The following ARIH1 variants were observed in gnomAD, a reference collection of about 807,000 sequenced individuals.
ARIH1 encodes the protein E3 ubiquitin-protein ligase ARIH1.
ARIH1 carries 8 observed loss-of-function variants against 85.0 expected under a neutral mutation model. The ratio of observed to expected loss-of-function variants is 0.09; its 90% CI spans 0.06 to 0.17. ARIH1 has a LOEUF of 0.17. Among genes scored for constraint, ARIH1 ranks in the 10% least tolerant of loss-of-function variants. The pLI is 1.00. For synonymous variants in ARIH1, 238 were observed against 253.6 expected (o/e 0.94, Z 0.59); for missense variants, 311 against 718.1 (o/e 0.43, Z 6.48).
intron 2 of ARIH1, 115 bp downstream of exon 2, chr15:72,518,249 A>G (rs570020020): frequency 1.3e-6 from 1 of 765,212 alleles, no homozygotes; most frequent in Non-Finnish European, 2.1e-6. Flanking sequence ...TGGACAACCC[A>G]GTGTGCAACT....
At chr15:72,570,067 C>G in intron 9 of ARIH1, 110 bp from the exon 10 acceptor site, 2 of 1,263,536 alleles carry the variant, frequency 1.6e-6, no homozygotes, top group Non-Finnish European at 2.2e-6. Flanking sequence ...GTATTAACCA[C>G]AATAAATAAA....
Position 72,600,827 on chromosome 15 carries a change from T to C in ARIH1, c.*17535T>C, listed in dbSNP as rs1348210008. 6.6e-6 allele frequency: 1 copy of C among 152,204 alleles called. No homozygotes were observed. The highest frequency in any genetic ancestry group is 1.5e-5 in the Non-Finnish European group (1 of 68,034). The allele number at this position is 152,204 out of a possible 1,614,324, so 9.4% of individuals were successfully genotyped here. A position where few individuals can be genotyped will look rare whatever the true frequency, so the allele number is the denominator to read the frequency against. Reference sequence around the variant, plus strand: ...AAAGTGTTCTATCTTCCTCACAAGATCTGAGGTCAAAGGAGAGATTTTGAA... The same window carrying C: ...AAAGTGTTCTATCTTCCTCACAAGACCTGAGGTCAAAGGAGAGATTTTGAA... On this transcript the variant is annotated 3_prime_UTR_variant, in exon 14 of 14. Transcript: ENST00000379887.
intron 9 of ARIH1, among the ~76,000 whole-genome samples, chr15:72,568,530 G>T (rs867421159): frequency 6.6e-6 from 1 of 152,222 alleles, no homozygotes; most frequent in East Asian, 1.9e-4. Flanking sequence ...AGGAAGAATG[G>T]CAATTTGTAA....
intron 10 of ARIH1, among the ~76,000 whole-genome samples, chr15:72,570,955 C>T (rs1333351144): frequency 6.6e-6 from 1 of 151,762 alleles, no homozygotes; most frequent in Non-Finnish European, 1.5e-5. Context: ...CATGGAGAAA[C>T]CCCGTCTCTA....
chr15:72,503,546 C>G (rs2063912251), intron 1 of ARIH1, among the ~76,000 whole-genome samples: 1 of 152,290 alleles, frequency 6.6e-6, no homozygotes, highest in South Asian at 2.1e-4. Flanking sequence ...CCCCATTCCT[C>G]CATTCTTTCC....
chr15:72,507,235 G>C (rs2063930055), intron 1 of ARIH1, among the ~76,000 whole-genome samples: 1 of 152,116 alleles, frequency 6.6e-6, no homozygotes, highest in South Asian at 2.1e-4. Flanking sequence ...ATGTTGGCCA[G>C]GCTGGTCTCG....
chr15:72,528,246 C>G (rs2140416119), intron 2 of ARIH1, among the ~76,000 whole-genome samples: 1 of 152,142 alleles, frequency 6.6e-6, no homozygotes. Flanking sequence ...ACTTAACCAC[C>G]TATAAAACTT....
chr15:72,567,321 G>A, intron 9 of ARIH1, 144 bp downstream of exon 9: 1 of 625,444 alleles, frequency 1.6e-6, no homozygotes. Context: ...TTCCCAGAAT[G>A]TTTGCCTGTT....
chr15:72,484,749 G>A (rs529071662), intron 1 of ARIH1, among the ~76,000 whole-genome samples: 26 of 144,456 alleles, frequency 1.8e-4, no homozygotes, highest in East Asian at 1.2e-3. Context: ...ATATATATAT[G>A]TGTGCATACA....
At chr15:72,515,196 G>A (rs1302627116) in intron 1 of ARIH1, among the ~76,000 whole-genome samples, 1 of 151,994 alleles carries the variant, frequency 6.6e-6, no homozygotes, top group Non-Finnish European at 1.5e-5. Flanking sequence ...AATTAGACGG[G>A]CATGGTGGCG....
At chr15:72,570,128 A>G (rs1476081161) in intron 9 of ARIH1, 49 bp from the exon 10 acceptor site, 1 of 1,598,184 alleles carries the variant, frequency 6.3e-7, no homozygotes, top group African/African-American at 1.3e-5. Context: ...AATGTTAGTA[A>G]TGCAACCTAG....
intron 1 of ARIH1, among the ~76,000 whole-genome samples, chr15:72,506,520 C>G (rs1399380079): frequency 6.6e-6 from 1 of 151,920 alleles, no homozygotes; most frequent in Admixed American, 6.6e-5. Flanking sequence ...AGTGGGTATG[C>G]TTGCTCATTT....
intron 5 of ARIH1, among the ~76,000 whole-genome samples, chr15:72,558,974 T>G (rs1210760806): frequency 1.3e-5 from 2 of 152,218 alleles, no homozygotes; most frequent in Non-Finnish European, 2.9e-5. Flanking sequence ...CATTCCTTAT[T>G]ATTATTTATT....
intron 10 of ARIH1, among the ~76,000 whole-genome samples, chr15:72,571,684 A>G (rs979702525): frequency 6.6e-6 from 1 of 152,234 alleles, no homozygotes; most frequent in Non-Finnish European, 1.5e-5. Context: ...CTGGAAAATT[A>G]GAAATATTTG....
intron 1 of ARIH1, among the ~76,000 whole-genome samples, chr15:72,515,126 G>A (rs2063969298): frequency 6.6e-6 from 1 of 152,034 alleles, no homozygotes; most frequent in African/African-American, 2.4e-5. Context: ...ACCTGAGGTC[G>A]GGAGTTCGAG....
Position 72,583,586 on chromosome 15 carries a change from T to G in ARIH1, c.*294T>G. 1 of 292,762 alleles carries G rather than the reference T, an allele frequency of 3.4e-6. No individual in the cohort carries two copies. The highest frequency in any genetic ancestry group is 6.4e-6 in the Non-Finnish European group (1 of 156,818). The allele number at this position is 292,762 out of a possible 1,614,324, so 18.1% of individuals were successfully genotyped here. ...CATTCTCAAAGCTGACTCCTTTTTT[T>G]TCTTTTTCCTTTTCCTGAGTGTAGT... On this transcript the variant is annotated 3_prime_UTR_variant, in exon 14 of 14. Transcript: ENST00000379887.
At chr15:72,480,722 G>C (rs1456523396) in intron 1 of ARIH1, among the ~76,000 whole-genome samples, 19 of 151,880 alleles carry the variant, frequency 1.3e-4, no homozygotes, top group Admixed American at 1.2e-3. Context: ...ATGCCACCAC[G>C]CCTGGCTAAT....
chr15:72,491,232 A>C (rs767188933), intron 1 of ARIH1, among the ~76,000 whole-genome samples: 1 of 152,196 alleles, frequency 6.6e-6, no homozygotes, highest in Non-Finnish European at 1.5e-5. Flanking sequence ...ATTATAGCAT[A>C]ATAATCACAT....
chr15:72,536,284 A>G (rs776401533), intron 2 of ARIH1, among the ~76,000 whole-genome samples: 11 of 152,094 alleles, frequency 7.2e-5, no homozygotes, highest in Non-Finnish European at 1.6e-4. Flanking sequence ...TCTAATAGAG[A>G]TAGGGTCTTG....
Sources: allele counts gnomAD v4.1 joint callset (sites outside exome capture counted in the v4.1 genomes callset), GRCh38; gene constraint gnomAD v4.1.1; transcripts MANE v1.5; gene names NCBI Gene and HGNC (gene_info 2026-07-23, HGNC 2026-07-21).